Variants in ALG6 observed in about 807,000 individuals in gnomAD.
ALG6 encodes ALG6 alpha-1,3-glucosyltransferase.
A neutral mutation model predicts 66.6 loss-of-function variants in ALG6; 46 were observed. That is an observed-to-expected ratio of 0.69 (90% CI 0.55 to 0.88). ALG6 has a LOEUF of 0.88. Among genes scored for constraint, ALG6 ranks in the 40% least tolerant of loss-of-function variants. The probability of loss-of-function intolerance (pLI) is 0.00; values close to 1 mark genes in which losing one functional copy is unlikely to be tolerated. For synonymous variants in ALG6, 185 were observed against 203.7 expected, an observed-to-expected ratio of 0.91 and a Z score of 0.78; for missense variants, 505 against 586.8, an observed-to-expected ratio of 0.86 and a Z score of 1.44.
chr1:63,420,729 C>T (rs1023983001), intron 12 of ALG6, among the ~76,000 whole-genome samples: 5 of 151,672 alleles, frequency 3.3e-5, no homozygotes, highest in Middle Eastern at 3.2e-3. Context: ...GGCATGGTGG[C>T]GGGCACCTGT....
intron 12 of ALG6, among the ~76,000 whole-genome samples, chr1:63,427,954 G>A (rs759187097): frequency 6.6e-6 from 1 of 151,612 alleles, no homozygotes; most frequent in African/African-American, 2.4e-5. Flanking sequence ...TTACAGGCAC[G>A]CACCACCAAG....
chr1:63,396,392 C>G, intron 2 of ALG6, 121 bp from the exon 3 acceptor site: 1 of 825,734 alleles, frequency 1.2e-6, no homozygotes, highest in South Asian at 1.5e-5. Flanking sequence ...TTCTCGGTAA[C>G]TCCTGTGTTC....
At chr1:63,418,525 G>A (rs1644556678) in intron 11 of ALG6, among the ~76,000 whole-genome samples, 1 of 151,990 alleles carries the variant, frequency 6.6e-6, no homozygotes, top group East Asian at 1.9e-4. Flanking sequence ...TGAGTTGGAA[G>A]GGAAGGCAGG....
chr1:63,424,110 A>G (rs922478965), intron 12 of ALG6, among the ~76,000 whole-genome samples: 2 of 151,980 alleles, frequency 1.3e-5, no homozygotes, highest in African/African-American at 2.4e-5. Flanking sequence ...CAATATGTCT[A>G]TCTTCTTCAG....
chr1:63,427,787 CTTTTTTTTTTTT>C (rs540658412), intron 12 of ALG6, among the ~76,000 whole-genome samples: 5 of 109,980 alleles, frequency 4.5e-5, no homozygotes, highest in African/African-American at 1.6e-4. Flanking sequence ...CCCTAAACAA[CTTTTTTTTTTTT>C]TTTTTTTTTT....
Position 63,406,396 on chromosome 1 carries a change from A to G in ALG6, c.426A>G (p.Lys142=). ...GCTTAAAAGAAATCTCAACTAAGAA[A>G]AAGGTAGGTTTTCAAGCAGCCTGAC... The part of the protein sequence containing the change: ...CCCLKEISTK[K]KIANALCILL... The change falls in exon 6 of 15, where the codon AAA becomes AAG. Residue 142 remains lysine, a synonymous_variant. Coordinates refer to ENST00000263440, the MANE Select transcript of ALG6 (RefSeq NM_013339.4). The G allele has an allele frequency of 6.2e-7, 1 of 1,612,652 alleles. No homozygotes were observed. The highest frequency in any genetic ancestry group is 8.5e-7 in the Non-Finnish European group (1 of 1,179,024).
chr1:63,436,412 A>G (rs1035779911), intron 14 of ALG6, among the ~76,000 whole-genome samples: 3 of 152,104 alleles, frequency 2.0e-5, no homozygotes, highest in Admixed American at 6.6e-5. Context: ...CTACCTATAC[A>G]TTTGTACCCA....
At chr1:63,406,516 G>T (rs897898986) in intron 6 of ALG6, 117 bp downstream of exon 6, 20 of 866,630 alleles carry the variant, frequency 2.3e-5, no homozygotes, top group Non-Finnish European at 3.2e-5. Context: ...TAGGAATATT[G>T]TATCTTCTAT....
At chr1:63,411,545 T>C (rs1644516220) in intron 8 of ALG6, among the ~76,000 whole-genome samples, 1 of 152,236 alleles carries the variant, frequency 6.6e-6, no homozygotes. Flanking sequence ...CATGTATATT[T>C]ACTGGTAGTG....
At chr1:63,420,500 C>T (rs1213793056) in intron 12 of ALG6, among the ~76,000 whole-genome samples, 2 of 152,224 alleles carry the variant, frequency 1.3e-5, no homozygotes, top group East Asian at 1.9e-4. Flanking sequence ...ACAAATGCAC[C>T]TAGATTATTT....
intron 2 of ALG6, among the ~76,000 whole-genome samples, chr1:63,387,037 G>A (rs774246611): frequency 8.6e-5 from 13 of 152,008 alleles, no homozygotes; most frequent in African/African-American, 9.7e-5. Flanking sequence ...TAATTTCTTC[G>A]TTGGCACACT....
intron 2 of ALG6, among the ~76,000 whole-genome samples, chr1:63,379,304 A>G (rs1395012039): frequency 6.6e-6 from 1 of 152,144 alleles, no homozygotes; most frequent in Non-Finnish European, 1.5e-5. Context: ...AGCAACTTAA[A>G]GTTTCTTTGG....
At chr1:63,398,405 C>T (rs763892108) in intron 3 of ALG6, among the ~76,000 whole-genome samples, 5 of 152,178 alleles carry the variant, frequency 3.3e-5, no homozygotes, top group Non-Finnish European at 5.9e-5. Flanking sequence ...TTAGTAATAC[C>T]GGACTTTTAA....
At chr1:63,379,201 G>C (rs757954311) in intron 2 of ALG6, among the ~76,000 whole-genome samples, 1 of 152,056 alleles carries the variant, frequency 6.6e-6, no homozygotes, top group African/African-American at 2.4e-5. Context: ...GGAATTCTTT[G>C]AGGCTTGAGT....
chr1:63,387,532 C>CT lies in ALG6; in HGVS notation c.83-8954dup, dbSNP rs760731397. ...ATATAATGACCTTCTTTGTCTTTCT[C>CT]TTTTTTTTTTTTTTTTTTTTTTTTT... On this transcript the variant is annotated intron_variant, in intron 2 of 14. Coordinates refer to ENST00000263440, the MANE Select transcript of ALG6 (RefSeq NM_013339.4). 3.5e-3 allele frequency among the ~76,000 whole-genome samples: 208 copies of CT among 59,476 alleles called. 43 individuals are homozygous for CT. The highest frequency in any genetic ancestry group is 4.2e-3 in the Non-Finnish European group (141 of 33,310). 39.0% of individuals were successfully genotyped at this position (59,476 alleles called of 152,430 possible).
intron 3 of ALG6, among the ~76,000 whole-genome samples, chr1:63,401,330 C>A (rs956930423): frequency 2.0e-5 from 3 of 151,918 alleles, no homozygotes; most frequent in Non-Finnish European, 2.9e-5. Flanking sequence ...ATTTTTAATT[C>A]AAAAAGTAAG....
chr1:63,395,399 A>G (rs1648792339), intron 2 of ALG6, among the ~76,000 whole-genome samples: 1 of 152,146 alleles, frequency 6.6e-6, no homozygotes, highest in Admixed American at 6.5e-5. Flanking sequence ...ATAGTTTGTA[A>G]AAGTCCTTTG....
At chr1:63,404,965 C>T (rs1336884585) in intron 5 of ALG6, among the ~76,000 whole-genome samples, 2 of 152,036 alleles carry the variant, frequency 1.3e-5, no homozygotes, top group South Asian at 2.1e-4. Context: ...TCATCTTATA[C>T]ATTGTATTGT....
At chr1:63,415,780 TATG>T (rs1310190949) in intron 10 of ALG6, 90 bp from the exon 11 acceptor site, 1 of 722,560 alleles carries the variant, frequency 1.4e-6, no homozygotes, top group Non-Finnish European at 2.3e-6. Flanking sequence ...TGATAAATAA[TATG>T]ATCCTTATAT....
Sources: gnomAD v4.1 joint callset for allele counts (sites outside exome capture counted in the v4.1 genomes callset) on GRCh38, gnomAD v4.1.1 for gene constraint, MANE v1.5 for transcripts, NCBI Gene and HGNC (gene_info 2026-07-23, HGNC 2026-07-21) for gene names.